Variants in SLC25A42 observed in about 807,000 individuals in gnomAD.
The protein encoded by SLC25A42 is mitochondrial coenzyme A transporter SLC25A42.
A neutral mutation model predicts 34.7 loss-of-function variants in SLC25A42; 19 were observed. The observed-to-expected ratio is 0.55, with a 90% confidence interval of 0.38 to 0.80. The LOEUF (loss-of-function observed/expected upper bound fraction) is 0.80, where lower values mean the gene tolerates loss of function less well. SLC25A42 is among the 30% of genes least tolerant of loss of function. The probability of loss-of-function intolerance (pLI) is 0.00; values close to 1 mark genes in which losing one functional copy is unlikely to be tolerated. For missense variants in SLC25A42, 364 were observed against 441.3 expected (o/e 0.82, Z 1.57); for synonymous variants, 205 against 191.2 (o/e 1.07, Z -0.59).
At chr19:19,105,934 C>T in intron 5 of SLC25A42, 1 of 577,636 alleles carries the variant, frequency 1.7e-6, no homozygotes, top group Non-Finnish European at 3.0e-6. Flanking sequence ...GTCTTCAGAG[C>T]TCCTCTCCTT....
At chr19:19,095,910 A>G in intron 1 of SLC25A42, 181 bp from the exon 2 acceptor site, 1 of 667,356 alleles carries the variant, frequency 1.5e-6, no homozygotes, top group Non-Finnish European at 2.8e-6. Flanking sequence ...ACATTCCAGT[A>G]CCAACAAGAA....
chr19:19,101,118 G>C (rs79839198), intron 2 of SLC25A42, among the ~76,000 whole-genome samples: 1 of 152,140 alleles, frequency 6.6e-6, no homozygotes, highest in Admixed American at 6.5e-5. Flanking sequence ...ACTGCTGTGC[G>C]GCGTGACCTT....
At chr19:19,102,698 C>T (rs1339610548) in intron 3 of SLC25A42, among the ~76,000 whole-genome samples, 2 of 151,862 alleles carry the variant, frequency 1.3e-5, no homozygotes, top group Admixed American at 6.6e-5. Context: ...CAGCCAAGGT[C>T]GCGCCATCGC....
chr19:19,070,035 C>A (rs2059620950), intron 1 of SLC25A42, among the ~76,000 whole-genome samples: 1 of 151,954 alleles, frequency 6.6e-6, no homozygotes, highest in Non-Finnish European at 1.5e-5. Context: ...GCTCTATCGC[C>A]CAGGCTGGAG....
intron 1 of SLC25A42, among the ~76,000 whole-genome samples, chr19:19,085,400 G>C (rs1340201835): frequency 7.1e-6 from 1 of 140,442 alleles, no homozygotes; most frequent in Non-Finnish European, 1.5e-5. Context: ...TTTTTTTTTG[G>C]AGAAGGAGTC....
chr19:19,082,144 C>T (rs1348362908), intron 1 of SLC25A42, among the ~76,000 whole-genome samples: 2 of 152,172 alleles, frequency 1.3e-5, no homozygotes, highest in East Asian at 1.9e-4. Context: ...GCCATAACCA[C>T]CACAAATGTG....
chr19:19,092,464 G>A (rs2059743057), intron 1 of SLC25A42, among the ~76,000 whole-genome samples: 1 of 152,182 alleles, frequency 6.6e-6, no homozygotes, highest in African/African-American at 2.4e-5. Context: ...AGGTGATCCA[G>A]TGAAGGATGG....
At chr19:19,084,585 C>T (rs1427393242) in intron 1 of SLC25A42, among the ~76,000 whole-genome samples, 2 of 152,210 alleles carry the variant, frequency 1.3e-5, no homozygotes, top group African/African-American at 4.8e-5. Flanking sequence ...TCCATCGATG[C>T]TCCCCTTTCC....
chr19:19,072,442 ATCT>A (rs1210312757), intron 1 of SLC25A42, among the ~76,000 whole-genome samples: 1 of 151,946 alleles, frequency 6.6e-6, no homozygotes, highest in Non-Finnish European at 1.5e-5. Context: ...CAGTGGCCTG[ATCT>A]TGGCTCACTG....
chr19:19,092,856 G>A (rs1036331370), intron 1 of SLC25A42, among the ~76,000 whole-genome samples: 5 of 152,174 alleles, frequency 3.3e-5, no homozygotes, highest in African/African-American at 1.2e-4. Context: ...GGTCTGTAGC[G>A]GCAGGGGTGG....
rs755647825 is a variant in SLC25A42 at position 19,105,611 on chromosome 19, C to T, written c.264C>T (p.Ser88=). The T allele has an allele frequency of 1.2e-6, 2 of 1,614,052 alleles. No homozygotes were observed. The highest frequency in any genetic ancestry group is 2.2e-5 in the East Asian group (1 of 44,884). Residue 88 remains serine (S), a synonymous_variant, in exon 5 of 8, where the codon AGC becomes AGT. Transcript: ENST00000318596. ...YYTYLNEGFL[S]LWRGNSATMV... is the part of the protein sequence containing the mutation. ...CCTACCTCAACGAGGGATTTCTCAG[C>T]TTGTGGCGCGGGAACTCGGCCACCA...
chr19:19,074,689 G>C (rs2059646933), intron 1 of SLC25A42, among the ~76,000 whole-genome samples: 1 of 151,916 alleles, frequency 6.6e-6, no homozygotes, highest in Admixed American at 6.6e-5. Context: ...GTGTGTGACA[G>C]TGTGTGTGAG....
intron 1 of SLC25A42, among the ~76,000 whole-genome samples, chr19:19,094,373 GT>G (rs900589159): frequency 6.6e-6 from 1 of 152,000 alleles, no homozygotes; most frequent in Non-Finnish European, 1.5e-5. Context: ...GATGCTTTAT[GT>G]TTTTTTCCAT....
chr19:19,066,391 AT>A (rs1432199933), intron 1 of SLC25A42, among the ~76,000 whole-genome samples: 1 of 151,918 alleles, frequency 6.6e-6, no homozygotes, highest in South Asian at 2.1e-4. Context: ...AGACATATGC[AT>A]TCTAAGGCCA....
In SLC25A42 at chr19:19,105,702, G is replaced by A; in HGVS notation, c.355G>A (p.Gly119Ser). ...SAHEEYKRIL[G>S]SYYGFRGEAL... is the part of the protein sequence containing the mutation. ...ACACGAGGAGTACAAGCGCATCCTG[G>A]GCAGCTACTATGGCTTCCGTGGAGA... The change falls in exon 5 of 8, where the codon GGC becomes AGC. Residue 119 changes from glycine to serine, a missense_variant. Physicochemically the swap from Gly to Ser is moderately conservative, Grantham distance 56. Coordinates refer to ENST00000318596, the MANE Select transcript of SLC25A42 (RefSeq NM_178526.5). 6.2e-7 allele frequency: 1 copy of A among 1,601,688 alleles called. No homozygotes were observed. Among genetic ancestry groups the A allele is most frequent in the Non-Finnish European group, 8.5e-7 (1 of 1,172,832 alleles).
chr19:19,075,492 G>A (rs1298839627), intron 1 of SLC25A42, among the ~76,000 whole-genome samples: 3 of 152,222 alleles, frequency 2.0e-5, no homozygotes, highest in African/African-American at 7.2e-5. Flanking sequence ...CTGAATCCCA[G>A]TTCAGAAAGC....
intron 7 of SLC25A42, among the ~76,000 whole-genome samples, chr19:19,110,354 ATTT>A (rs1263663059): frequency 6.6e-6 from 1 of 151,698 alleles, no homozygotes; most frequent in Non-Finnish European, 1.5e-5. Context: ...CAAAAAAAAA[ATTT>A]TTTTTATTTC....
At chr19:19,102,691 C>T (rs1334634404) in intron 3 of SLC25A42, among the ~76,000 whole-genome samples, 2 of 151,958 alleles carry the variant, frequency 1.3e-5, no homozygotes, top group African/African-American at 4.8e-5. Flanking sequence ...TTGCAGTCAG[C>T]CAAGGTCGCG....
In SLC25A42 at chr19:19,105,074, C is replaced by T. The variant is rs929381482; in HGVS notation, c.213+136C>T. ...ACCTGTCTTCCCATTCCCAGCTCTGCCTGGACACAGCCCAGCCTGGGAACT... is the reference window on the plus strand; with the variant it reads ...ACCTGTCTTCCCATTCCCAGCTCTGTCTGGACACAGCCCAGCCTGGGAACT... On this transcript the variant is annotated intron_variant, in intron 4 of 7. Transcript: ENST00000318596. The T allele has an allele frequency of 3.1e-4, 337 of 1,079,840 alleles. 2 individuals carry two copies. The highest frequency in any genetic ancestry group is 5.8e-5 in the Non-Finnish European group (42 of 724,914). The allele number at this position is 1,079,840 out of a possible 1,614,324, so 66.9% of individuals were successfully genotyped here.
Sources: allele counts gnomAD v4.1 joint callset (sites outside exome capture counted in the v4.1 genomes callset), GRCh38; gene constraint gnomAD v4.1.1; transcripts MANE v1.5; gene names NCBI Gene and HGNC (gene_info 2026-07-23, HGNC 2026-07-21).